CDON: variants seen among roughly 807,000 people sequenced by gnomAD.
CDON encodes the protein cell adhesion molecule-related/down-regulated by oncogenes.
CDON carries 73 observed loss-of-function variants against 120.9 expected under a neutral mutation model. The ratio of observed to expected loss-of-function variants is 0.60; its 90% confidence interval spans 0.50 to 0.73. CDON has a LOEUF of 0.73. CDON is among the 30% of genes least tolerant of loss of function. The pLI is 0.00. For missense variants in CDON, 1,470 were observed against 1,587.3 expected, an observed-to-expected ratio of 0.93 and a Z score of 1.26; for synonymous variants, 566 against 573.5, an observed-to-expected ratio of 0.99 and a Z score of 0.19.
intron 5 of CDON, 53 bp downstream of exon 5, chr11:126,018,277 T>C: frequency 6.3e-7 from 1 of 1,579,724 alleles, no homozygotes. Context: ...ATTGCCCAAC[T>C]TTTTATGAGG....
chr11:126,028,831 G>A (rs1220510552), intron 1 of CDON, among the ~76,000 whole-genome samples: 1 of 150,954 alleles, frequency 6.6e-6, no homozygotes, highest in Non-Finnish European at 1.5e-5. Flanking sequence ...ATGTGTGTGT[G>A]TGTATATATA....
chr11:126,002,110 A>T (rs1591373389), intron 10 of CDON, among the ~76,000 whole-genome samples: 1 of 152,242 alleles, frequency 6.6e-6, no homozygotes, highest in African/African-American at 2.4e-5. Flanking sequence ...GCAAAAAAAT[A>T]GGTGAAAAAG....
chr11:125,983,940 A>G lies in CDON; in HGVS notation c.2927T>C (p.Met976Thr), dbSNP rs937053308. The G allele has an allele frequency of 6.2e-7, 1 of 1,614,076 alleles. No homozygotes were observed. The highest frequency in any genetic ancestry group is 8.5e-7 in the Non-Finnish European group (1 of 1,180,036). ...YLIVGCVLGV[M>T]VLILMVFIAM... ...AATGAAAACCATCAGAATGAGGACC[A>G]TGACGCCCAGCACACAGCCAACGAT... Residue 976 changes from methionine (M) to threonine (T), a missense_variant, in exon 16 of 20, where the codon ATG becomes ACG. Met to Thr is a moderately conservative substitution (Grantham distance 81, BLOSUM62 -1). Coordinates refer to ENST00000531738, the MANE Select transcript of CDON (RefSeq NM_001378964.1).
intron 18 of CDON, among the ~76,000 whole-genome samples, chr11:125,964,066 C>A (rs1368223191): frequency 6.6e-6 from 1 of 152,190 alleles, no homozygotes; most frequent in Non-Finnish European, 1.5e-5. Context: ...TTAAAAATGT[C>A]CATGTGATCA....
chr11:125,967,019 A>C (rs549944666), intron 18 of CDON, among the ~76,000 whole-genome samples: 4 of 145,576 alleles, frequency 2.7e-5, no homozygotes, highest in Non-Finnish European at 6.0e-5. Flanking sequence ...GACTAGCAAC[A>C]GATTTAAAAA....
At chr11:126,056,903 C>A (rs1159067136) in intron 1 of CDON, among the ~76,000 whole-genome samples, 1 of 152,122 alleles carries the variant, frequency 6.6e-6, no homozygotes, top group Non-Finnish European at 1.5e-5. Context: ...TGTACTGTTT[C>A]ATTTTAAACT....
chr11:126,030,018 C>T (rs1009752010), intron 1 of CDON, among the ~76,000 whole-genome samples: 2 of 152,164 alleles, frequency 1.3e-5, no homozygotes, highest in African/African-American at 2.4e-5. Flanking sequence ...AAGTACTGCT[C>T]CCAAAGTCCA....
intron 18 of CDON, among the ~76,000 whole-genome samples, chr11:125,968,147 G>T (rs201610030): frequency 6.6e-6 from 1 of 152,242 alleles, no homozygotes; most frequent in Admixed American, 6.5e-5. Context: ...TGAAAACCTA[G>T]GACAGTTCCC....
At chr11:125,973,082 CCTAATT>C (rs1946051646) in intron 18 of CDON, among the ~76,000 whole-genome samples, 1 of 137,844 alleles carries the variant, frequency 7.3e-6, no homozygotes, top group South Asian at 2.4e-4. Context: ...CCTTCTAAAT[CCTAATT>C]CTCTCAAAAT....
chr11:125,999,327 A>C (rs1946873153), intron 11 of CDON, among the ~76,000 whole-genome samples: 1 of 152,204 alleles, frequency 6.6e-6, no homozygotes, highest in Non-Finnish European at 1.5e-5. Context: ...CATATCTAAA[A>C]GAAATAGCAT....
Position 125,984,013 on chromosome 11 carries a change from C to CA in CDON, c.2853dup (p.Val952CysfsTer12), listed in dbSNP as rs745450008. The CA allele has an allele frequency of 6.2e-7, 1 of 1,614,138 alleles. No individual in the cohort carries two copies. The highest frequency in any genetic ancestry group is 8.5e-7 in the Non-Finnish European group (1 of 1,179,998). ...CTGGCAGGGCTGGTTGCAGGCCCCA[C>CA]ATTTCCTCCACTTCCCAAAGAATTT... On this transcript the variant is annotated frameshift_variant, in exon 16 of 20. Transcript: ENST00000531738. LOFTEE classifies it high-confidence loss of function.
chr11:126,022,022 A>G (rs1232756619), intron 2 of CDON, among the ~76,000 whole-genome samples: 1 of 146,482 alleles, frequency 6.8e-6, no homozygotes, highest in Non-Finnish European at 1.5e-5. Flanking sequence ...GGATTGCTTG[A>G]GCCCAGGAGG....
chr11:126,018,018 G>A (rs1317457421), intron 5 of CDON, among the ~76,000 whole-genome samples: 1 of 152,046 alleles, frequency 6.6e-6, no homozygotes, highest in Non-Finnish European at 1.5e-5. Context: ...TACTGCCTCA[G>A]CCTCTCAAGT....
At chr11:126,012,807 T>C (rs1947346437) in intron 7 of CDON, among the ~76,000 whole-genome samples, 1 of 152,236 alleles carries the variant, frequency 6.6e-6, no homozygotes, top group South Asian at 2.1e-4. Context: ...ACAGCCATCA[T>C]AATGGCCAGC....
Position 125,990,916 on chromosome 11 carries a change from A to G in CDON, c.2651-1157T>C, listed in dbSNP as rs185787303. Among the ~76,000 whole-genome samples the G allele has an allele frequency of 6.4e-4, 97 of 152,300 alleles. 1 individual carries two copies. In the East Asian group the frequency reaches 0.016, roughly 25 times the overall value. On this transcript the variant is annotated intron_variant, in intron 14 of 19. Transcript: ENST00000531738. ...CTACGCCCCATTTATAAATGTAAAA[A>G]GGACCCCCCAAAAGATGTTGACTCC... is the stretch of plus-strand genomic sequence containing the variant.
intron 18 of CDON, among the ~76,000 whole-genome samples, chr11:125,963,882 T>A (rs1402083008): frequency 1.3e-5 from 2 of 152,334 alleles, no homozygotes. Context: ...TGAAGAAAGC[T>A]CTGGTGCAGA....
chr11:125,967,243 A>G lies in CDON; in HGVS notation c.3357-5245T>C, dbSNP rs117660043. ...TATTTGTATTGTCTGGAAAGTCGTA[A>G]AAGTCCTAATTCACATTAAACTCTA... is the stretch of plus-strand genomic sequence containing the variant. On this transcript the variant is annotated intron_variant, in intron 18 of 19. Transcript: ENST00000531738. Among the ~76,000 whole-genome samples, 673 of 152,374 alleles carry G rather than the reference A, an allele frequency of 4.4e-3. 4 individuals are homozygous for G. The highest frequency in any genetic ancestry group is 7.0e-3 in the Non-Finnish European group (476 of 68,044).
chr11:125,961,831 C>G lies in CDON; in HGVS notation c.3524G>C (p.Ser1175Thr), dbSNP rs1332731475. ...VPDCGQLPEE[S>T]VKDNVEPVPT... ...GACTGGTTCCACATTGTCCTTGACG[C>G]TCTCCTCCGGCAACTGGCCACAATC... Residue 1175 changes from serine to threonine, a missense_variant, in exon 19 of 20, where the codon AGC becomes ACC. By Grantham distance (58) the Ser-to-Thr change is moderately conservative. Coordinates refer to ENST00000531738, the MANE Select transcript of CDON (RefSeq NM_001378964.1). 1.2e-6 allele frequency: 2 copies of G among 1,614,192 alleles called. No homozygotes were observed. The highest frequency in any genetic ancestry group is 1.7e-6 in the Non-Finnish European group (2 of 1,180,034).
At chr11:125,997,778 T>C (rs1565515118) in intron 11 of CDON, among the ~76,000 whole-genome samples, 4 of 152,228 alleles carry the variant, frequency 2.6e-5, no homozygotes, top group African/African-American at 7.2e-5. Flanking sequence ...TTATGTGTTA[T>C]CTTATTTAAA....
Sources: gnomAD v4.1 joint callset for allele counts (sites outside exome capture counted in the v4.1 genomes callset) on GRCh38, gnomAD v4.1.1 for gene constraint, MANE v1.5 for transcripts, NCBI Gene and HGNC (gene_info 2026-07-23, HGNC 2026-07-21) for gene names.